FCER1A: variants seen among roughly 807,000 people sequenced by gnomAD.
FCER1A encodes high affinity immunoglobulin epsilon receptor subunit alpha.
FCER1A carries 24 observed loss-of-function variants against 23.6 expected under a neutral mutation model. That is an observed-to-expected ratio of 1.02 (90% CI 0.74 to 1.43). FCER1A has a LOEUF of 1.43. FCER1A is among the 40% of genes most tolerant of loss of function. The probability of loss-of-function intolerance (pLI) is 0.00; values close to 1 mark genes in which losing one functional copy is unlikely to be tolerated. For synonymous variants in FCER1A, 121 were observed against 108.8 expected, an observed-to-expected ratio of 1.11 and a Z score of -0.70; for missense variants, 318 against 294.5, an observed-to-expected ratio of 1.08 and a Z score of -0.58.
At chr1:159,287,894 C>T (rs1015859750), upstream of FCER1A, among the ~76,000 whole-genome samples, 5 of 151,676 alleles carry the variant, frequency 3.3e-5, no homozygotes, top group Admixed American at 6.6e-5. Flanking sequence ...TGCTCATTTG[C>T]CTCTCTAATA....
At chr1:159,303,863 C>G (rs1652514920) in intron 2 of FCER1A, 65 bp from the exon 3 acceptor site, 1 of 1,288,244 alleles carries the variant, frequency 7.8e-7, no homozygotes, top group Admixed American at 2.0e-5. Flanking sequence ...TACTTTTAAG[C>G]CTAGACAGTT....
At chr1:159,307,296 C>A (rs1652644302) in intron 4 of FCER1A, among the ~76,000 whole-genome samples, 1 of 152,138 alleles carries the variant, frequency 6.6e-6, no homozygotes, top group Admixed American at 6.5e-5. Context: ...AACAGAACCA[C>A]AAAATAATAG....
At chr1:159,292,435 A>G (rs1652177514) in intron 1 of FCER1A, among the ~76,000 whole-genome samples, 1 of 152,128 alleles carries the variant, frequency 6.6e-6, no homozygotes, top group Non-Finnish European at 1.5e-5. Flanking sequence ...TTTAAGAATC[A>G]TATTTTATAC....
At chr1:159,306,509 G>C (rs1232407694) in intron 4 of FCER1A, among the ~76,000 whole-genome samples, 1 of 152,128 alleles carries the variant, frequency 6.6e-6, no homozygotes, top group Non-Finnish European at 1.5e-5. Flanking sequence ...AAATGACTTT[G>C]TAAACTGTTA....
upstream of FCER1A, among the ~76,000 whole-genome samples, chr1:159,298,969 G>A (rs930930272): frequency 3.9e-5 from 6 of 152,158 alleles, no homozygotes; most frequent in East Asian, 9.7e-4. Context: ...CTATCTATCT[G>A]TCAATCAATC....
rs747754313 is a variant in FCER1A, at chr1:159,304,167, C to G, written c.316C>G (p.Leu106Val). 1.9e-6 allele frequency: 3 copies of G among 1,613,694 alleles called. No individual in the cohort carries two copies. The South Asian group carries it at 3.3e-5, about 18-fold the overall frequency. ...AGTTAATGAGAGTGAACCTGTGTAC[C>G]TGGAAGTCTTCAGTGGTAAGTTCCA... ...QQVNESEPVY[L>V]EVFSDWLLLQ... The change falls in exon 3 of 5, where the codon CTG (leucine) becomes GTG (valine). Residue 106 changes from leucine (L) to valine (V), a missense_variant. Coordinates refer to ENST00000693622, the MANE Select transcript of FCER1A (RefSeq NM_001387280.1).
At chr1:159,299,180 C>T (rs1408766636), upstream of FCER1A, among the ~76,000 whole-genome samples, 2 of 152,090 alleles carry the variant, frequency 1.3e-5, no homozygotes, top group African/African-American at 4.8e-5. Context: ...GTATTTGATC[C>T]TCAGGGAGAG....
chr1:159,292,274 C>CT, intron 1 of FCER1A, among the ~76,000 whole-genome samples: 1 of 152,064 alleles, frequency 6.6e-6, no homozygotes, highest in Non-Finnish European at 1.5e-5. Flanking sequence ...AGCACAGACT[C>CT]TTAGATACAA....
At chr1:159,302,129 A>G (rs944773006), upstream of FCER1A, among the ~76,000 whole-genome samples, 2 of 152,210 alleles carry the variant, frequency 1.3e-5, no homozygotes, top group African/African-American at 4.8e-5. Flanking sequence ...CTCTCACCAG[A>G]TTCCAGGTGT....
At chr1:159,299,560 C>T (rs1290111655), upstream of FCER1A, among the ~76,000 whole-genome samples, 1 of 152,124 alleles carries the variant, frequency 6.6e-6, no homozygotes, top group Non-Finnish European at 1.5e-5. Flanking sequence ...ATTAAGGCTC[C>T]CAACATCAAA....
intron 1 of FCER1A, among the ~76,000 whole-genome samples, chr1:159,292,399 G>C (rs1652176917): frequency 6.6e-6 from 1 of 151,976 alleles, no homozygotes; most frequent in African/African-American, 2.4e-5. Context: ...TGTAATTACT[G>C]TCTACCCAGT....
In FCER1A at chr1:159,306,078, A is replaced by C. The variant is rs755395013; in HGVS notation, c.422A>C (p.Tyr141Ser). Residue 141 changes from tyrosine to serine, a missense_variant, in exon 4 of 5, where the codon TAC becomes TCC. By Grantham distance (144) the Tyr-to-Ser change is moderately radical. Transcript: ENST00000693622. ...RCHGWRNWDV[Y>S]KVIYYKDGEA... ...CATGGTTGGAGGAACTGGGATGTGT[A>C]CAAGGTGATCTATTATAAGGATGGT... 1 of 1,614,130 alleles carries C rather than the reference A, an allele frequency of 6.2e-7. No individual in the cohort carries two copies. Among genetic ancestry groups the C allele is most frequent in the Non-Finnish European group, 8.5e-7 (1 of 1,179,996 alleles).
At chr1:159,304,441 A>T (rs1297731010) in intron 3 of FCER1A, among the ~76,000 whole-genome samples, 2 of 151,670 alleles carry the variant, frequency 1.3e-5, no homozygotes, top group Non-Finnish European at 2.9e-5. Context: ...TCTGCTAAAA[A>T]ATATATATAT....
intron 1 of FCER1A, among the ~76,000 whole-genome samples, chr1:159,293,437 C>A (rs978844602): frequency 2.6e-5 from 4 of 151,336 alleles, no homozygotes; most frequent in African/African-American, 7.3e-5. Context: ...TACATATGCC[C>A]AATGTGCAGG....
chr1:159,296,878 C>T (rs1243771681), intron 1 of FCER1A, among the ~76,000 whole-genome samples: 1 of 151,996 alleles, frequency 6.6e-6, no homozygotes, highest in East Asian at 1.9e-4. Flanking sequence ...TGCGTCCTGC[C>T]CCTCCCACTG....
chr1:159,300,104 A>G (rs1229351008), upstream of FCER1A, among the ~76,000 whole-genome samples: 5 of 152,238 alleles, frequency 3.3e-5, no homozygotes, highest in East Asian at 9.6e-4. Context: ...AATACCGGGC[A>G]CTTAAGCAAA....
chr1:159,290,219 CAG>C (rs1375071809), intron 1 of FCER1A, among the ~76,000 whole-genome samples: 3 of 152,134 alleles, frequency 2.0e-5, no homozygotes, highest in African/African-American at 7.2e-5. Context: ...TCCCCTCACC[CAG>C]AGAGTGTCCC....
chr1:159,300,128 T>TA (rs1175661975), upstream of FCER1A, among the ~76,000 whole-genome samples: 2 of 152,154 alleles, frequency 1.3e-5, no homozygotes, highest in African/African-American at 4.8e-5. Context: ...TTTAGAATGA[T>TA]AAATCCAAAG....
upstream of FCER1A, among the ~76,000 whole-genome samples, chr1:159,299,405 G>A (rs536429635): frequency 1.2e-4 from 19 of 152,154 alleles, 1 homozygote; most frequent in Non-Finnish European, 2.5e-4. Flanking sequence ...TCCTCCCTCT[G>A]CCAGGCACGT....
Sources: gnomAD v4.1 joint callset for allele counts (sites outside exome capture counted in the v4.1 genomes callset) on GRCh38, gnomAD v4.1.1 for gene constraint, MANE v1.5 for transcripts, NCBI Gene and HGNC (gene_info 2026-07-23, HGNC 2026-07-21) for gene names.